Variants in OPA1 observed in about 807,000 individuals in gnomAD.
OPA1 encodes the protein OPA1 mitochondrial dynamin like GTPase.
Under a neutral mutation model 152.9 loss-of-function variants are expected in OPA1, and 59 were observed. That is an observed-to-expected ratio of 0.39 (90% CI 0.31 to 0.48). OPA1 has a LOEUF of 0.48. OPA1 is among the 20% of genes least tolerant of loss of function. OPA1 has a pLI of 0.96. For missense variants in OPA1, 1,008 were observed against 1,216.8 expected, an observed-to-expected ratio of 0.83 and a Z score of 2.55; for synonymous variants, 400 against 389.9, an observed-to-expected ratio of 1.03 and a Z score of -0.31.
intron 11 of OPA1, among the ~76,000 whole-genome samples, chr3:193,639,610 A>T (rs1180165972): frequency 1.3e-5 from 2 of 152,240 alleles, no homozygotes; most frequent in African/African-American, 4.8e-5. Context: ...TAGAGGAATA[A>T]TGAAGAGCGG....
chr3:193,631,879 C>A (rs1306990632), intron 8 of OPA1: 10 of 587,166 alleles, frequency 1.7e-5, no homozygotes, highest in Non-Finnish European at 2.4e-5. Flanking sequence ...TATGTAAAAA[C>A]CTATTTTGAG....
At chr3:193,617,559 C>T (rs1729244081) in intron 4 of OPA1, among the ~76,000 whole-genome samples, 1 of 152,172 alleles carries the variant, frequency 6.6e-6, no homozygotes, top group African/African-American at 2.4e-5. Context: ...GTAGATGAGA[C>T]TTCCTATGTA....
At position 193,696,377 on chromosome 3, in the gene OPA1, G is replaced by C. The variant is rs2109482459; in HGVS notation, c.*1777G>C. The C allele has an allele frequency of 6.6e-6, 1 of 152,342 alleles. No homozygotes were observed. The highest frequency in any genetic ancestry group is 2.4e-5 in the African/African-American group (1 of 41,576). 9.4% of individuals were successfully genotyped at this position (152,342 alleles called of 1,614,324 possible). ...TAAGTTTTAAAAAGAGATGGAGGGAGATCTTCATTTCTTTGAGGAGATCAG... is the reference window on the plus strand; with the variant it reads ...TAAGTTTTAAAAAGAGATGGAGGGACATCTTCATTTCTTTGAGGAGATCAG... On this transcript the variant is annotated 3_prime_UTR_variant, in exon 31 of 31. Coordinates refer to ENST00000361510, the MANE Select transcript of OPA1 (RefSeq NM_130837.3).
intron 29 of OPA1, among the ~76,000 whole-genome samples, chr3:193,685,479 G>A (rs1720818983): frequency 6.6e-6 from 1 of 152,088 alleles, no homozygotes; most frequent in African/African-American, 2.4e-5. Context: ...ATTAAGTATT[G>A]TTTAAGTCAG....
At chr3:193,636,898 G>C (rs976224547) in intron 9 of OPA1, among the ~76,000 whole-genome samples, 1 of 151,986 alleles carries the variant, frequency 6.6e-6, no homozygotes, top group Admixed American at 6.6e-5. Context: ...CTTGCATTCA[G>C]TATTAGCTCA....
intron 9 of OPA1, 147 bp downstream of exon 9, chr3:193,635,669 A>G (rs937854984): frequency 1.1e-5 from 7 of 621,662 alleles, no homozygotes; most frequent in Admixed American, 2.8e-5. Flanking sequence ...ATCTCTTCCT[A>G]TATTAAGACA....
chr3:193,637,892 GTTTTAA>G, intron 10 of OPA1, 54 bp from the exon 11 acceptor site: 1 of 1,331,992 alleles, frequency 7.5e-7, no homozygotes, highest in Non-Finnish European at 1.1e-6. Flanking sequence ...TTACAAATAG[GTTTTAA>G]TTTTAATTTG....
rs559163125 is a variant in OPA1, at chr3:193,671,463, TAAAAC to T, written c.2983+4184_2983+4188del. Among the ~76,000 whole-genome samples, 29 of 152,256 alleles carry T rather than the reference TAAAAC, an allele frequency of 1.9e-4. No homozygotes were observed. The South Asian group carries it at 2.3e-3, about 12-fold the overall frequency. ...AGAGCTGCTCCAGTTGGAAGAGACT[TAAAAC>T]TAAATGCAATGTATGATCCTAGATT... On this transcript the variant is annotated intron_variant, in intron 29 of 30. Coordinates refer to ENST00000361510, the MANE Select transcript of OPA1 (RefSeq NM_130837.3).
In OPA1 at chr3:193,635,434, T is replaced by C. The variant is rs951002467; in HGVS notation, c.860T>C (p.Ile287Thr). Residue 287 changes from isoleucine to threonine, a missense_variant, in exon 9 of 31, where the codon ATC becomes ACC. By Grantham distance (89) the Ile-to-Thr change is moderately conservative. Transcript: ENST00000361510. Reference protein sequence around the residue: ...LLHTQLKYQRILERLEKENKE... With the variant: ...LLHTQLKYQRTLERLEKENKE... ...TTATTGCAGTTGAAGTATCAGAGAA[T>C]CTTGGAACGATTAGAAAAGGAGAAC... 2.5e-6 allele frequency: 4 copies of C among 1,598,738 alleles called. No individual in the cohort carries two copies. In the African/African-American group the frequency reaches 5.4e-5, roughly 21 times the overall value.
intron 1 of OPA1, among the ~76,000 whole-genome samples, chr3:193,594,025 T>G (rs1474977809): frequency 6.6e-6 from 1 of 152,192 alleles, no homozygotes; most frequent in Non-Finnish European, 1.5e-5. Flanking sequence ...GAGGGAGACT[T>G]ACTTTTTGAT....
In OPA1 at chr3:193,662,937, G is replaced by T; in HGVS notation, c.2636G>T (p.Arg879Leu). ...ITTVRKNLESRGVEVDPSLIK... is the reference protein window; with the variant it reads ...ITTVRKNLESLGVEVDPSLIK... ...ACAGTCCGGAAGAACCTTGAATCCC[G>T]AGGAGTAGAAGTAGATCCAAGCTTG... The change falls in exon 26 of 31, where the codon CGA (arginine) becomes CTA (leucine). Residue 879 changes from arginine (R) to leucine (L), a missense_variant. Physicochemically the swap from Arg to Leu is moderately radical, Grantham distance 102. This residue lies in a region of OPA1 where 137 missense variants were observed against 171.0 expected (regional missense o/e 0.80). Coordinates refer to ENST00000361510, the MANE Select transcript of OPA1 (RefSeq NM_130837.3). 1 of 1,613,632 alleles carries T rather than the reference G, an allele frequency of 6.2e-7. No individual in the cohort carries two copies.
rs1458195857 is a variant in OPA1 at position 193,614,704 on chromosome 3, A to G, written c.33-19A>G. The G allele has an allele frequency of 6.3e-7, 1 of 1,580,528 alleles. No individual in the cohort carries two copies. The highest frequency in any genetic ancestry group is 8.7e-7 in the Non-Finnish European group (1 of 1,149,546). On this transcript the variant is annotated intron_variant, in intron 1 of 30. Coordinates refer to ENST00000361510, the MANE Select transcript of OPA1 (RefSeq NM_130837.3). ...TGTTACCCTCTCTGATCTTTCTTCC[A>G]TATTCATTTTTCTTTCAGTGAGGTC... is the stretch of plus-strand genomic sequence containing the variant.
intron 29 of OPA1, chr3:193,691,564 A>G (rs552330029): frequency 6.6e-6 from 1 of 152,668 alleles, no homozygotes; most frequent in South Asian, 2.1e-4. Context: ...AAAAGTATAC[A>G]TTTCAATATG....
At chr3:193,596,364 A>AATTTT (rs1560301587) in intron 1 of OPA1, among the ~76,000 whole-genome samples, 39 of 69,720 alleles carry the variant, frequency 5.6e-4, no homozygotes, top group Admixed American at 1.3e-3. Flanking sequence ...TTCTTTTCTT[A>AATTTT]ATTTTCTTTT....
intron 1 of OPA1, among the ~76,000 whole-genome samples, chr3:193,596,144 A>T (rs1463465497): frequency 6.7e-6 from 1 of 148,468 alleles, no homozygotes; most frequent in African/African-American, 2.5e-5. Flanking sequence ...CTCCCTTTGG[A>T]TACCACATTA....
intron 25 of OPA1, among the ~76,000 whole-genome samples, chr3:193,662,142 C>A (rs1015500593): frequency 1.3e-4 from 20 of 152,014 alleles, no homozygotes; most frequent in African/African-American, 4.8e-4. Context: ...TGAAAAATGA[C>A]AAGATTAATT....
intron 1 of OPA1, among the ~76,000 whole-genome samples, chr3:193,608,040 A>C (rs1454570071): frequency 4.6e-5 from 7 of 152,062 alleles, no homozygotes; most frequent in Admixed American, 3.9e-4. Context: ...ATGAGAGTTC[A>C]CTCATGATTT....
chr3:193,678,287 A>G (rs750442072), intron 29 of OPA1, among the ~76,000 whole-genome samples: 10 of 151,306 alleles, frequency 6.6e-5, no homozygotes, highest in Non-Finnish European at 1.5e-4. Flanking sequence ...ACTGATCTTT[A>G]CCAAAGTACA....
At position 193,667,177 on chromosome 3, in the gene OPA1, A is replaced by T; in HGVS notation, c.2880A>T (p.Arg960=). ...TTAACTTTCTTTAAACAGTTAGGCG[A>T]TTAGAGAAAAATGTTAAAGAGGTAT... ...RQQLTNTEVR[R]LEKNVKEVLE... Residue 960 remains arginine (R), a synonymous_variant, in exon 29 of 31, where the codon CGA becomes CGT. Transcript: ENST00000361510. 2 of 1,536,596 alleles carry T rather than the reference A, an allele frequency of 1.3e-6. No homozygotes were observed. The highest frequency in any genetic ancestry group is 1.8e-6 in the Non-Finnish European group (2 of 1,109,394).
Sources: allele counts gnomAD v4.1 joint callset (sites outside exome capture counted in the v4.1 genomes callset), GRCh38; gene constraint gnomAD v4.1.1; regional missense constraint gnomAD v4.1.1; transcripts MANE v1.5; gene names NCBI Gene and HGNC (gene_info 2026-07-23, HGNC 2026-07-21).